SEZ6: variants seen among roughly 807,000 people sequenced by gnomAD.
The protein encoded by SEZ6 is seizure related 6 homolog.
In SEZ6, 53 loss-of-function variants were observed where a neutral mutation model predicts 101.0. That is an observed-to-expected ratio of 0.52 (90% confidence interval 0.42 to 0.66). The LOEUF is 0.66. Ranked by LOEUF, SEZ6 falls within the 30% of genes least tolerant of loss-of-function variation. The probability of loss-of-function intolerance (pLI) is 0.00; values close to 1 mark genes in which losing one functional copy is unlikely to be tolerated. For missense variants in SEZ6, 1,102 were observed against 1,289.4 expected, an observed-to-expected ratio of 0.85 and a Z score of 2.23; for synonymous variants, 488 against 512.2, an observed-to-expected ratio of 0.95 and a Z score of 0.64.
Position 29,005,816 on chromosome 17 carries a change from G to C in SEZ6, c.54C>G (p.His18Gln). The change falls in exon 1 of 17, where the codon CAC becomes CAG. Residue 18 changes from histidine to glutamine, a missense_variant and splice_region_variant. Around this residue, in one of 3 missense-constraint regions of SEZ6, gnomAD observed 406 missense variants for 418.6 expected, o/e 0.97. Transcript: ENST00000317338. The surrounding 1 kb of genome is among the most constrained non-coding windows in gnomAD (Gnocchi z 4.8). ...CCGCCGGATGCCGGGGTCCCTTACCGTGAGCCAGGAGCGCCAGCAGCGAGG... is the reference window on the plus strand; with the variant it reads ...CCGCCGGATGCCGGGGTCCCTTACCCTGAGCCAGGAGCGCCAGCAGCGAGG... ...LLPSLLALLA[H>Q]GLSLEAPTVG... 2 of 1,485,516 alleles carry C rather than the reference G, an allele frequency of 1.3e-6. No homozygotes were observed. The highest frequency in any genetic ancestry group is 1.8e-6 in the Non-Finnish European group (2 of 1,118,032). 92.0% of individuals were successfully genotyped at this position (1,485,516 alleles called of 1,614,324 possible).
In SEZ6 at chr17:28,957,525, C is replaced by G; in HGVS notation, c.2317G>C (p.Asp773His). 6.2e-7 allele frequency: 1 copy of G among 1,612,924 alleles called. No individual in the cohort carries two copies. The highest frequency in any genetic ancestry group is 8.5e-7 in the Non-Finnish European group (1 of 1,179,600). ...PSCQRVTSCH[D>H]PGDVEHSRRL... Reference sequence around the variant, plus strand: ...CGGCTGTGCTCCACATCTCCAGGATCGTGGCAGGAAGTCACTATGGGTAGG... The same window carrying G: ...CGGCTGTGCTCCACATCTCCAGGATGGTGGCAGGAAGTCACTATGGGTAGG... The change falls in exon 12 of 17, where the codon GAT (aspartate) becomes CAT (histidine). Residue 773 changes from aspartate (D) to histidine (H), a missense_variant. This residue lies in a region of SEZ6 where 556 missense variants were observed against 735.1 expected (regional missense o/e 0.76). Coordinates refer to ENST00000317338, the MANE Select transcript of SEZ6 (RefSeq NM_178860.5).
chr17:28,991,693 G>A (rs559411934), intron 1 of SEZ6, among the ~76,000 whole-genome samples: 1 of 152,244 alleles, frequency 6.6e-6, no homozygotes, highest in Non-Finnish European at 1.5e-5. Context: ...ACTGCGGCTT[G>A]GGATTGGCAG....
At chr17:28,956,818 C>CA in intron 13 of SEZ6, 61 bp from the exon 14 acceptor site, 1 of 1,531,684 alleles carries the variant, frequency 6.5e-7, no homozygotes, top group Non-Finnish European at 8.9e-7. Context: ...ACCACTAAGG[C>CA]AGGGAGAGGA....
chr17:28,988,799 C>T (rs1406350342), intron 1 of SEZ6, among the ~76,000 whole-genome samples: 1 of 152,234 alleles, frequency 6.6e-6, no homozygotes, highest in Non-Finnish European at 1.5e-5. Flanking sequence ...AGCATCTCAT[C>T]CCTCCCTCAC....
intron 3 of SEZ6, among the ~76,000 whole-genome samples, chr17:28,977,811 C>G (rs987896007): frequency 2.6e-5 from 4 of 152,316 alleles, no homozygotes; most frequent in Admixed American, 2.6e-4. Flanking sequence ...GCTTTCCACC[C>G]AGTGAGCCAC....
chr17:28,964,161 A>G lies in SEZ6; in HGVS notation c.1055-14T>C. The G allele has an allele frequency of 2.6e-6, 4 of 1,538,598 alleles. No individual in the cohort carries two copies. Among genetic ancestry groups the G allele is most frequent in the Non-Finnish European group, 3.5e-6 (4 of 1,133,784 alleles). ...TCAGGAGATAGGCTGCAAACAGAGA[A>G]CGGGTGACACTGTGTATGTGTGCAG... On this transcript the variant is annotated splice_polypyrimidine_tract_variant and intron_variant, in intron 4 of 16. Coordinates refer to ENST00000317338, the MANE Select transcript of SEZ6 (RefSeq NM_178860.5).
chr17:28,979,238 C>G (rs1191531518), intron 3 of SEZ6, among the ~76,000 whole-genome samples: 2 of 152,172 alleles, frequency 1.3e-5, no homozygotes, highest in Non-Finnish European at 2.9e-5. Flanking sequence ...AGCTGATCAC[C>G]TCTCTGATGG....
chr17:29,001,760 C>T (rs1298245472), intron 1 of SEZ6, among the ~76,000 whole-genome samples: 2 of 152,194 alleles, frequency 1.3e-5, no homozygotes, highest in Non-Finnish European at 2.9e-5. Context: ...CTCCTAGTGC[C>T]TGCTTCCCAC....
chr17:28,985,115 T>A (rs1405889992), intron 1 of SEZ6, among the ~76,000 whole-genome samples: 1 of 152,232 alleles, frequency 6.6e-6, no homozygotes, highest in African/African-American at 2.4e-5. Context: ...CTTCGATGAT[T>A]TGGCTTCAAA....
chr17:29,004,237 G>C (rs1173266415), intron 1 of SEZ6, among the ~76,000 whole-genome samples: 1 of 152,230 alleles, frequency 6.6e-6, no homozygotes, highest in African/African-American at 2.4e-5. Flanking sequence ...CTAACTGCCA[G>C]GGGACAGACA....
In SEZ6 at chr17:28,955,839, C is replaced by T. The variant is rs112183205; in HGVS notation, c.*123G>A. Reference sequence around the variant, plus strand: ...GCACAACTTCTTGAGGGCTTGGTGGCATCTCCTCCTAGGTGGTATATACAG... The same window carrying T: ...GCACAACTTCTTGAGGGCTTGGTGGTATCTCCTCCTAGGTGGTATATACAG... On this transcript the variant is annotated 3_prime_UTR_variant, in exon 17 of 17. Coordinates refer to ENST00000317338, the MANE Select transcript of SEZ6 (RefSeq NM_178860.5). 23 of 1,117,172 alleles carry T rather than the reference C, an allele frequency of 2.1e-5. No individual in the cohort carries two copies. Among genetic ancestry groups the T allele is most frequent in the African/African-American group, 1.2e-4 (8 of 64,526 alleles). 69.2% of individuals were successfully genotyped at this position (1,117,172 alleles called of 1,614,324 possible).
intron 1 of SEZ6, among the ~76,000 whole-genome samples, chr17:28,990,748 G>A (rs940573054): frequency 6.6e-6 from 1 of 151,730 alleles, no homozygotes; most frequent in African/African-American, 2.4e-5. Flanking sequence ...AAAAACCCTA[G>A]CCTCCTTCAG....
At chr17:28,974,871 T>C (rs1178355315) in intron 3 of SEZ6, among the ~76,000 whole-genome samples, 2 of 152,202 alleles carry the variant, frequency 1.3e-5, no homozygotes, top group Non-Finnish European at 2.9e-5. Flanking sequence ...GCCTATCTCC[T>C]GGGCCAAGGG....
chr17:28,975,453 G>C (rs994569054), intron 3 of SEZ6, among the ~76,000 whole-genome samples: 5 of 152,256 alleles, frequency 3.3e-5, no homozygotes, highest in Admixed American at 3.3e-4. Flanking sequence ...CTCAGTCACA[G>C]AGAGGTGGGC....
In SEZ6 at chr17:28,981,449, T is replaced by C. The variant is rs1410134746; in HGVS notation, c.646A>G (p.Thr216Ala). The C allele has an allele frequency of 6.4e-7, 1 of 1,563,306 alleles. No individual in the cohort carries two copies. The highest frequency in any genetic ancestry group is 1.9e-5 in the Admixed American group (1 of 52,134). The part of the protein sequence containing the change: ...IGIQGTITSS[T>A]ASGDDEETTT... ...GTCTCCTCATCATCTCCTGAAGCTG[T>C]GGAGGAGGTGATGGTCCCCTGGATC... Residue 216 changes from threonine (T) to alanine (A), a missense_variant, in exon 2 of 17, where the codon ACA (threonine) becomes GCA (alanine). This residue lies in a region of SEZ6 where 406 missense variants were observed against 418.6 expected (regional missense o/e 0.97). Transcript: ENST00000317338.
chr17:28,968,552 T>A (rs555155771), intron 4 of SEZ6, among the ~76,000 whole-genome samples: 1 of 152,162 alleles, frequency 6.6e-6, no homozygotes, highest in African/African-American at 2.4e-5. Context: ...CGCCTAGACG[T>A]TTCACCCTTG....
chr17:28,989,721 G>A (rs1044323609), intron 1 of SEZ6, among the ~76,000 whole-genome samples: 1 of 152,124 alleles, frequency 6.6e-6, no homozygotes, highest in African/African-American at 2.4e-5. Flanking sequence ...GAGAAATTTA[G>A]TTTATAGTTT....
At chr17:28,971,542 G>C (rs751406905) in intron 3 of SEZ6, among the ~76,000 whole-genome samples, 1 of 151,934 alleles carries the variant, frequency 6.6e-6, no homozygotes, top group Non-Finnish European at 1.5e-5. Flanking sequence ...GCGGTGAGCC[G>C]AGATCGCGCC....
In SEZ6 at chr17:28,992,924, C is replaced by G. The variant is rs1429770700; in HGVS notation, c.56-10885G>C. ...GCACTCTACACCGTCCCCTGCAGAC[C>G]TGTGTTCCCTTCTCCTGTTTGCCTG... On this transcript the variant is annotated intron_variant, in intron 1 of 16. Transcript: ENST00000317338. Among the ~76,000 whole-genome samples the G allele has an allele frequency of 2.0e-5, 3 of 152,138 alleles. No homozygotes were observed. In the East Asian group the frequency reaches 5.8e-4, roughly 29 times the overall value.
Sources: allele counts gnomAD v4.1 joint callset (sites outside exome capture counted in the v4.1 genomes callset), GRCh38; gene constraint gnomAD v4.1.1; regional missense constraint gnomAD v4.1.1; non-coding constraint Gnocchi (gnomAD v3.1); transcripts MANE v1.5; gene names NCBI Gene and HGNC (gene_info 2026-07-23, HGNC 2026-07-21).